LUZP2: variants seen among roughly 807,000 people sequenced by gnomAD.
LUZP2 encodes the protein leucine zipper protein 2.
Under a neutral mutation model 51.6 loss-of-function variants are expected in LUZP2, and 52 were observed. The observed-to-expected ratio is 1.01, with a 90% CI of 0.81 to 1.27. The LOEUF (loss-of-function observed/expected upper bound fraction) is 1.27. LUZP2 is among the 50% of genes most tolerant of loss of function. The probability of loss-of-function intolerance (pLI) is 0.00; values close to 1 mark genes in which losing one functional copy is unlikely to be tolerated. For missense variants in LUZP2, 436 were observed against 395.4 expected (o/e 1.10, Z -0.87); for synonymous variants, 154 against 137.3 (o/e 1.12, Z -0.85).
At chr11:24,918,837 G>C (rs1473316766) in intron 7 of LUZP2, among the ~76,000 whole-genome samples, 1 of 76,358 alleles carries the variant, frequency 1.3e-5, no homozygotes, top group Non-Finnish European at 2.4e-5. Context: ...ATCTCCATTG[G>C]AATACATCTA....
intron 9 of LUZP2, among the ~76,000 whole-genome samples, chr11:24,996,577 A>T (rs1390755848): frequency 4.8e-4 from 2 of 4,156 alleles, no homozygotes; most frequent in African/African-American, 4.9e-4. Flanking sequence ...TTCTTTTTTT[A>T]TTTTATTTTA....
At chr11:24,649,992 C>T (rs950554694) in intron 1 of LUZP2, among the ~76,000 whole-genome samples, 1 of 151,476 alleles carries the variant, frequency 6.6e-6, no homozygotes, top group Non-Finnish European at 1.5e-5. Flanking sequence ...CACACACACA[C>T]ACACACACAC....
chr11:25,060,126 C>T (rs1468666049), intron 10 of LUZP2, among the ~76,000 whole-genome samples: 1 of 152,092 alleles, frequency 6.6e-6, no homozygotes. Flanking sequence ...CAAGTTCATA[C>T]AATGAATGAA....
intron 1 of LUZP2, among the ~76,000 whole-genome samples, chr11:24,699,375 T>G (rs1857351340): frequency 1.3e-5 from 2 of 152,194 alleles, no homozygotes; most frequent in Non-Finnish European, 2.9e-5. Flanking sequence ...TTTTTCATAA[T>G]TCACATTTTT....
At chr11:24,761,326 C>G (rs1409734007) in intron 4 of LUZP2, among the ~76,000 whole-genome samples, 1 of 152,120 alleles carries the variant, frequency 6.6e-6, no homozygotes, top group Non-Finnish European at 1.5e-5. Flanking sequence ...AATCATATCT[C>G]ATAATAACTC....
intron 9 of LUZP2, among the ~76,000 whole-genome samples, chr11:25,016,014 G>A (rs899942713): frequency 1.3e-5 from 2 of 150,262 alleles, no homozygotes; most frequent in African/African-American, 2.5e-5. Context: ...TCCACCTCCC[G>A]GGTTCACGCC....
chr11:25,019,542 A>G (rs1437346509), intron 9 of LUZP2, among the ~76,000 whole-genome samples: 1 of 152,112 alleles, frequency 6.6e-6, no homozygotes, highest in African/African-American at 2.4e-5. Flanking sequence ...TGGTTGATTT[A>G]AACATCTGCC....
intron 1 of LUZP2, among the ~76,000 whole-genome samples, chr11:24,553,810 A>G (rs942515065): frequency 1.3e-5 from 2 of 152,154 alleles, no homozygotes; most frequent in Non-Finnish European, 2.9e-5. Flanking sequence ...TTTTATTTTC[A>G]TACATGCTTT....
intron 5 of LUZP2, among the ~76,000 whole-genome samples, chr11:24,864,951 C>A (rs1390373971): frequency 6.6e-6 from 1 of 152,178 alleles, no homozygotes; most frequent in Non-Finnish European, 1.5e-5. Context: ...CAGCATCTCA[C>A]AATTGCATAT....
At chr11:24,976,917 T>C (rs1189631000) in intron 8 of LUZP2, among the ~76,000 whole-genome samples, 2 of 151,714 alleles carry the variant, frequency 1.3e-5, no homozygotes, top group African/African-American at 4.8e-5. Flanking sequence ...ATTTTTCACC[T>C]CACTGGTATA....
chr11:24,889,718 AT>A lies in LUZP2; in HGVS notation c.397-16270del, dbSNP rs550437125. 3.8e-4 allele frequency among the ~76,000 whole-genome samples: 58 copies of A among 152,310 alleles called. 1 individual carries two copies. The South Asian group carries it at 0.012, about 32-fold the overall frequency. On this transcript the variant is annotated intron_variant, in intron 5 of 11. Transcript: ENST00000336930. ...TTAATTATCCCCAAATTCTGGATGC[AT>A]TTCAAAATACTGAAATGTTCTGATT...
chr11:24,951,031 A>G (rs1855063406), intron 7 of LUZP2, among the ~76,000 whole-genome samples: 1 of 151,556 alleles, frequency 6.6e-6, no homozygotes, highest in South Asian at 2.1e-4. Flanking sequence ...TCAATAAGAG[A>G]GAGAAGATAT....
At chr11:24,700,771 G>A (rs1857399515) in intron 1 of LUZP2, among the ~76,000 whole-genome samples, 1 of 152,042 alleles carries the variant, frequency 6.6e-6, no homozygotes, top group Non-Finnish European at 1.5e-5. Context: ...TTTGGTTGGG[G>A]TTCATTCTGA....
At chr11:24,786,354 T>C (rs1843048849) in intron 5 of LUZP2, 6 of 982,566 alleles carry the variant, frequency 6.1e-6, no homozygotes, top group Non-Finnish European at 7.2e-6. Flanking sequence ...GCATATCTAA[T>C]AAATACATTC....
chr11:24,578,668 A>G (rs889771852), intron 1 of LUZP2, among the ~76,000 whole-genome samples: 4 of 152,118 alleles, frequency 2.6e-5, no homozygotes, highest in Non-Finnish European at 5.9e-5. Context: ...TCCTAAAAAA[A>G]TTAATGCAGA....
At chr11:25,036,109 C>G (rs1857851441) in intron 9 of LUZP2, among the ~76,000 whole-genome samples, 1 of 151,928 alleles carries the variant, frequency 6.6e-6, no homozygotes, top group South Asian at 2.1e-4. Context: ...ACTTTTTTGC[C>G]TGATAGATTC....
At chr11:24,520,320 A>G (rs941093889) in intron 1 of LUZP2, among the ~76,000 whole-genome samples, 1 of 152,236 alleles carries the variant, frequency 6.6e-6, no homozygotes. Flanking sequence ...ACTGTTATCA[A>G]CAGGAAAAAC....
At chr11:24,842,547 C>T (rs1303085082) in intron 5 of LUZP2, among the ~76,000 whole-genome samples, 4 of 151,848 alleles carry the variant, frequency 2.6e-5, no homozygotes, top group African/African-American at 4.8e-5. Context: ...AACAATTATA[C>T]AATACACCCT....
intron 7 of LUZP2, among the ~76,000 whole-genome samples, chr11:24,958,138 A>C (rs1418954050): frequency 3.9e-5 from 6 of 152,090 alleles, no homozygotes; most frequent in African/African-American, 1.2e-4. Flanking sequence ...ACATTTTCTT[A>C]ATCCAGTCTA....
Sources: allele counts gnomAD v4.1 joint callset (sites outside exome capture counted in the v4.1 genomes callset), GRCh38; gene constraint gnomAD v4.1.1; transcripts MANE v1.5; gene names NCBI Gene and HGNC (gene_info 2026-07-23, HGNC 2026-07-21).